ETV1: variants seen among roughly 807,000 people sequenced by gnomAD.
The protein encoded by ETV1 is ETS variant transcription factor 1, also known as ETS translocation variant 1.
Under a neutral mutation model 62.3 loss-of-function variants are expected in ETV1, and 27 were observed. The observed-to-expected ratio is 0.43, with a 90% CI of 0.32 to 0.60. The LOEUF is 0.60. Ranked by LOEUF, ETV1 falls within the 20% of genes least tolerant of loss-of-function variation. The probability of loss-of-function intolerance (pLI) is 0.06; values close to 1 mark genes in which losing one functional copy is unlikely to be tolerated. For synonymous variants in ETV1, 222 were observed against 199.6 expected (o/e 1.11, Z -0.94); for missense variants, 605 against 605.8 (o/e 1.00, Z 0.01).
At chr7:13,905,211 ATTATAG>A (rs1171042878) in intron 12 of ETV1, among the ~76,000 whole-genome samples, 1 of 152,056 alleles carries the variant, frequency 6.6e-6, no homozygotes, top group South Asian at 2.1e-4. Context: ...ATATTATCTG[ATTATAG>A]TTGAATACGT....
intron 6 of ETV1, among the ~76,000 whole-genome samples, chr7:13,946,025 G>A (rs1583743877): frequency 6.6e-6 from 1 of 152,192 alleles, no homozygotes; most frequent in African/African-American, 2.4e-5. Context: ...CTGGAACAGA[G>A]TTACAGGCAT....
chr7:13,938,165 G>A (rs573398509), intron 7 of ETV1, among the ~76,000 whole-genome samples: 28 of 152,208 alleles, frequency 1.8e-4, no homozygotes, highest in African/African-American at 5.1e-4. Flanking sequence ...GGCTGGTCTT[G>A]AACTCCCGAC....
At chr7:13,945,338 A>G (rs1788028307) in intron 6 of ETV1, among the ~76,000 whole-genome samples, 1 of 152,142 alleles carries the variant, frequency 6.6e-6, no homozygotes, top group South Asian at 2.1e-4. Context: ...CCAACGCTCA[A>G]GGATTCTTAC....
At chr7:13,916,603 A>C (rs1784198499) in intron 9 of ETV1, among the ~76,000 whole-genome samples, 1 of 151,552 alleles carries the variant, frequency 6.6e-6, no homozygotes, top group East Asian at 1.9e-4. Flanking sequence ...GCGCCACTGC[A>C]CTCCAGCTGT....
At chr7:13,978,922 T>C (rs1317388951) in intron 5 of ETV1, among the ~76,000 whole-genome samples, 1 of 152,046 alleles carries the variant, frequency 6.6e-6, no homozygotes, top group African/African-American at 2.4e-5. Context: ...TGTACACCAA[T>C]AATTAACCTT....
In ETV1 at chr7:13,900,792, A is replaced by G. The variant is rs376104065; in HGVS notation, c.1158T>C (p.Tyr386=). ...AGCGGAGTGAACGGCTAAGTTTATC[A>G]TAGTTCATAGCTGGCCTGTTTTTCT... ...GIQKNRPAMN[Y]DKLSRSLRYY... The change falls in exon 13 of 14, where the codon TAT becomes TAC. Residue 386 remains tyrosine (Y), a synonymous_variant. Transcript: ENST00000430479. 2.4e-4 allele frequency: 393 copies of G among 1,611,790 alleles called. 2 individuals carry two copies. Among genetic ancestry groups the G allele is most frequent in the African/African-American group, 2.2e-3 (165 of 75,034 alleles).
chr7:13,954,472 A>T (rs1206633625), intron 6 of ETV1, among the ~76,000 whole-genome samples: 1 of 152,204 alleles, frequency 6.6e-6, no homozygotes, highest in Non-Finnish European at 1.5e-5. Context: ...AAATACTATT[A>T]TCGTTCCATT....
intron 6 of ETV1, among the ~76,000 whole-genome samples, chr7:13,947,392 C>CAAAAAAAAAAAAAAAAAAAAAAAA (rs11352949): frequency 4.6e-5 from 4 of 86,496 alleles, no homozygotes; most frequent in Non-Finnish European, 9.1e-5. Context: ...ACTAACTATA[C>CAAAAAAAAAAAAAAAAAAAAAAAA]AAAAAAAAAA....
At chr7:13,912,742 T>A (rs996749979) in intron 9 of ETV1, among the ~76,000 whole-genome samples, 1 of 152,158 alleles carries the variant, frequency 6.6e-6, no homozygotes. Flanking sequence ...ATACTTAAAA[T>A]TGGTGTCCTT....
chr7:13,925,714 C>T (rs900006061), intron 9 of ETV1, among the ~76,000 whole-genome samples: 4 of 150,624 alleles, frequency 2.7e-5, no homozygotes, highest in East Asian at 3.9e-4. Context: ...TACAGGGACC[C>T]GCCACTGCGC....
intron 9 of ETV1, among the ~76,000 whole-genome samples, chr7:13,928,219 T>C (rs1473075734): frequency 6.6e-6 from 1 of 152,210 alleles, no homozygotes; most frequent in Admixed American, 6.5e-5. Context: ...TAGGTTCACA[T>C]CTTCTTAAGA....
upstream of ETV1, chr7:13,990,496 C>A (rs1459311527): frequency 1.3e-5 from 2 of 152,214 alleles, no homozygotes; most frequent in Non-Finnish European, 2.9e-5. Flanking sequence ...TATCCTAGAA[C>A]CCGCACGTTT....
intron 6 of ETV1, among the ~76,000 whole-genome samples, chr7:13,944,574 A>G (rs1342513913): frequency 6.6e-6 from 1 of 152,148 alleles, no homozygotes; most frequent in Non-Finnish European, 1.5e-5. Context: ...AGACGGGGAC[A>G]CAAACATTCA....
intron 12 of ETV1, among the ~76,000 whole-genome samples, chr7:13,904,433 T>C (rs1281797201): frequency 6.6e-6 from 1 of 152,176 alleles, no homozygotes; most frequent in Non-Finnish European, 1.5e-5. Context: ...AACTCAGAAT[T>C]TGATGAAACT....
intron 6 of ETV1, among the ~76,000 whole-genome samples, chr7:13,948,785 C>G (rs1485159116): frequency 6.6e-6 from 1 of 152,126 alleles, no homozygotes; most frequent in Non-Finnish European, 1.5e-5. Flanking sequence ...AAGGAAAACA[C>G]CAAAGTGGCT....
At chr7:13,927,101 G>C (rs1430805314) in intron 9 of ETV1, among the ~76,000 whole-genome samples, 6 of 152,034 alleles carry the variant, frequency 3.9e-5, no homozygotes, top group Non-Finnish European at 7.4e-5. Flanking sequence ...AGTTCTAAAG[G>C]TCTTCCGTAA....
intron 9 of ETV1, among the ~76,000 whole-genome samples, chr7:13,926,182 T>C (rs930429315): frequency 5.9e-5 from 9 of 152,220 alleles, no homozygotes; most frequent in Non-Finnish European, 1.0e-4. Flanking sequence ...TTTCTGTCTC[T>C]CTCAAACATT....
At chr7:13,943,850 G>C (rs1787845011) in intron 6 of ETV1, among the ~76,000 whole-genome samples, 1 of 152,032 alleles carries the variant, frequency 6.6e-6, no homozygotes, top group Non-Finnish European at 1.5e-5. Context: ...GCATTATAAT[G>C]AATGTATATC....
Position 13,911,247 on chromosome 7 carries a change from C to T in ETV1, c.863G>A (p.Arg288Lys). The T allele has an allele frequency of 6.2e-7, 1 of 1,612,246 alleles. No homozygotes were observed. Among genetic ancestry groups the T allele is most frequent in the Non-Finnish European group, 8.5e-7 (1 of 1,178,510 alleles). ...AGTGGTGGACAACTTAACTTCTGTTCTGCTGGGATGAGCCAGGAAGCCTTC... is the reference window on the plus strand; with the variant it reads ...AGTGGTGGACAACTTAACTTCTGTTTTGCTGGGATGAGCCAGGAAGCCTTC... ...RQEGFLAHPSRTEGCMFEKGP... is the reference protein window; with the variant it reads ...RQEGFLAHPSKTEGCMFEKGP... Residue 288 changes from arginine to lysine, a missense_variant, in exon 10 of 14, where the codon AGA (arginine) becomes AAA (lysine). Physicochemically the swap from Arg to Lys is conservative, Grantham distance 26. Coordinates refer to ENST00000430479, the MANE Select transcript of ETV1 (RefSeq NM_004956.5).
Sources: gnomAD v4.1 joint callset for allele counts (sites outside exome capture counted in the v4.1 genomes callset) on GRCh38, gnomAD v4.1.1 for gene constraint, MANE v1.5 for transcripts, NCBI Gene and HGNC (gene_info 2026-07-23, HGNC 2026-07-21) for gene names.